CDS1: variants seen among roughly 807,000 people sequenced by gnomAD.
The protein encoded by CDS1 is CDP-diacylglycerol synthase 1, also known as phosphatidate cytidylyltransferase 1.
CDS1 carries 41 observed loss-of-function variants against 62.1 expected under a neutral mutation model. The observed-to-expected ratio is 0.66, with a 90% CI of 0.51 to 0.86. CDS1 has a LOEUF of 0.86. Among genes scored for constraint, CDS1 ranks in the 40% least tolerant of loss-of-function variants. The pLI, the probability that CDS1 is intolerant of heterozygous loss-of-function variation, is 0.00. For missense variants in CDS1, 470 were observed against 550.1 expected, an observed-to-expected ratio of 0.85 and a Z score of 1.46; for synonymous variants, 185 against 192.6, an observed-to-expected ratio of 0.96 and a Z score of 0.32.
intron 3 of CDS1, among the ~76,000 whole-genome samples, chr4:84,615,147 C>T (rs1723448090): frequency 6.6e-6 from 1 of 152,126 alleles, no homozygotes; most frequent in Non-Finnish European, 1.5e-5. Flanking sequence ...ATATTGTCTA[C>T]TTTCCCAAGC....
At chr4:84,607,090 G>A (rs940050758) in intron 2 of CDS1, among the ~76,000 whole-genome samples, 4 of 152,098 alleles carry the variant, frequency 2.6e-5, no homozygotes, top group African/African-American at 9.7e-5. Flanking sequence ...AAACAATAGA[G>A]GGAAATAAAG....
intron 3 of CDS1, among the ~76,000 whole-genome samples, chr4:84,616,141 GT>G (rs995701615): frequency 1.8e-4 from 27 of 152,178 alleles, no homozygotes; most frequent in Admixed American, 1.7e-3. Flanking sequence ...TTGCTTTACC[GT>G]TTTATCTTAA....
At chr4:84,600,052 C>T (rs573982708) in intron 1 of CDS1, among the ~76,000 whole-genome samples, 1 of 152,272 alleles carries the variant, frequency 6.6e-6, no homozygotes, top group East Asian at 1.9e-4. Context: ...TTTGGTTGTT[C>T]AATTTTAAAA....
At chr4:84,603,618 A>G (rs767923661) in intron 1 of CDS1, among the ~76,000 whole-genome samples, 19 of 152,150 alleles carry the variant, frequency 1.2e-4, no homozygotes, top group East Asian at 3.9e-4. Flanking sequence ...GCCATCTCCA[A>G]CATACTCACG....
chr4:84,621,760 C>T (rs138200780), intron 5 of CDS1, among the ~76,000 whole-genome samples: 162 of 152,204 alleles, frequency 1.1e-3, no homozygotes, highest in African/African-American at 3.7e-3. Flanking sequence ...TTCAGCTTTC[C>T]AAATTTGTTC....
At chr4:84,645,082 T>C in intron 11 of CDS1, 140 bp from the exon 12 acceptor site, 1 of 641,142 alleles carries the variant, frequency 1.6e-6, no homozygotes, top group South Asian at 1.8e-5. Context: ...TGTGTTCTAA[T>C]AAGTTTTTAT....
Position 84,650,956 on chromosome 4 carries a change from A to G in CDS1, c.*2270A>G, listed in dbSNP as rs1460987493. On this transcript the variant is annotated 3_prime_UTR_variant, in exon 13 of 13. Transcript: ENST00000295887. Reference sequence around the variant, plus strand: ...GTAGCAATGTGGTGGCAGACAAATGAAAAACTAGGAAGTTCTTTCACAGTA... The same window carrying G: ...GTAGCAATGTGGTGGCAGACAAATGGAAAACTAGGAAGTTCTTTCACAGTA... 3.9e-5 allele frequency: 6 copies of G among 152,200 alleles called. No homozygotes were observed. 9.4% of individuals were successfully genotyped at this position (152,200 alleles called of 1,614,324 possible).
chr4:84,643,384 G>A (rs1261094311), intron 11 of CDS1, among the ~76,000 whole-genome samples: 1 of 152,140 alleles, frequency 6.6e-6, no homozygotes, highest in Non-Finnish European at 1.5e-5. Flanking sequence ...GACATGGCAT[G>A]TGTCCTTTAG....
intron 10 of CDS1, among the ~76,000 whole-genome samples, chr4:84,642,370 AC>A (rs998896871): frequency 3.9e-5 from 6 of 152,050 alleles, no homozygotes; most frequent in Non-Finnish European, 8.8e-5. Context: ...TCTTTCTTCA[AC>A]CAAAATGGGT....
At chr4:84,593,685 G>A (rs370149048) in intron 1 of CDS1, among the ~76,000 whole-genome samples, 5 of 151,848 alleles carry the variant, frequency 3.3e-5, no homozygotes, top group South Asian at 4.2e-4. Flanking sequence ...TTGTATTTTC[G>A]TAGAGACGGG....
chr4:84,602,145 C>T (rs890572680), intron 1 of CDS1, among the ~76,000 whole-genome samples: 1 of 152,180 alleles, frequency 6.6e-6, no homozygotes, highest in African/African-American at 2.4e-5. Context: ...CCCTGCTACT[C>T]ATTCTCATAG....
chr4:84,599,692 T>G (rs1011373243), intron 1 of CDS1, among the ~76,000 whole-genome samples: 1 of 152,046 alleles, frequency 6.6e-6, no homozygotes, highest in Non-Finnish European at 1.5e-5. Flanking sequence ...AGCATAATTA[T>G]TTTGAGATTC....
intron 10 of CDS1, among the ~76,000 whole-genome samples, chr4:84,641,660 C>T (rs1335062507): frequency 6.6e-6 from 1 of 152,136 alleles, no homozygotes; most frequent in Admixed American, 6.5e-5. Flanking sequence ...GTTTTCCTTC[C>T]AAATACAGTG....
intron 5 of CDS1, among the ~76,000 whole-genome samples, chr4:84,627,517 A>C (rs1723898438): frequency 6.6e-6 from 1 of 152,218 alleles, no homozygotes. Context: ...TATGGTTAGC[A>C]GTGATGTGTA....
rs1473933203 is a variant in CDS1 at position 84,604,336 on chromosome 4, A to G, written c.211A>G (p.Ile71Val). The G allele has an allele frequency of 6.2e-7, 1 of 1,613,348 alleles. No homozygotes were observed. The highest frequency in any genetic ancestry group is 2.2e-5 in the East Asian group (1 of 44,828). The change falls in exon 2 of 13, where the codon ATT (isoleucine) becomes GTT (valine). Residue 71 changes from isoleucine to valine, a missense_variant. Coordinates refer to ENST00000295887, the MANE Select transcript of CDS1 (RefSeq NM_001263.4). ...IPPSSDRTPE[I>V]LKKALSGLSS... The stretch of plus-strand genomic sequence containing the variant: ...ACCATCCTCAGATAGAACCCCTGAG[A>G]TTCTCAAAAAAGCTCTATCTGGTTT...
chr4:84,595,502 A>G (rs1304325142), intron 1 of CDS1, among the ~76,000 whole-genome samples: 2 of 152,204 alleles, frequency 1.3e-5, no homozygotes, highest in Non-Finnish European at 2.9e-5. Flanking sequence ...CAAGAAAAAA[A>G]TCTATGTGTT....
chr4:84,619,259 G>T (rs1428775981), intron 4 of CDS1, 135 bp from the exon 5 acceptor site: 2 of 457,102 alleles, frequency 4.4e-6, no homozygotes, highest in East Asian at 7.0e-5. Context: ...TAGCATTTTG[G>T]TAAAATATAT....
chr4:84,604,782 C>G (rs909267915), intron 2 of CDS1, among the ~76,000 whole-genome samples: 2 of 151,360 alleles, frequency 1.3e-5, no homozygotes, highest in African/African-American at 4.9e-5. Context: ...TTTTTCTTTT[C>G]TTTCTTTCAT....
intron 1 of CDS1, among the ~76,000 whole-genome samples, chr4:84,587,967 T>C (rs142104382): frequency 4.6e-4 from 70 of 152,310 alleles, no homozygotes; most frequent in African/African-American, 1.5e-3. Flanking sequence ...GAAGGCCAGG[T>C]TGCATCAATG....
Sources: gnomAD v4.1 joint callset for allele counts (sites outside exome capture counted in the v4.1 genomes callset) on GRCh38, gnomAD v4.1.1 for gene constraint, MANE v1.5 for transcripts, NCBI Gene and HGNC (gene_info 2026-07-23, HGNC 2026-07-21) for gene names.